The following CAV2 variants were observed in gnomAD, a reference collection of about 807,000 sequenced individuals.
CAV2 encodes caveolin 2, also known as caveolin-2.
Under a neutral mutation model 15.5 loss-of-function variants are expected in CAV2, and 7 were observed. The observed-to-expected ratio is 0.45, with a 90% CI of 0.26 to 0.85. The LOEUF (loss-of-function observed/expected upper bound fraction) is 0.85. Among genes scored for constraint, CAV2 ranks in the 40% least tolerant of loss-of-function variants. CAV2 has a pLI of 0.18. For synonymous variants in CAV2, 76 were observed against 83.1 expected, an observed-to-expected ratio of 0.91 and a Z score of 0.46; for missense variants, 229 against 208.8, an observed-to-expected ratio of 1.10 and a Z score of -0.60.
chr7:116,500,188 C>T, intron 1 of CAV2, 72 bp from the exon 2 acceptor site: 1 of 1,564,946 alleles, frequency 6.4e-7, no homozygotes, highest in Non-Finnish European at 8.6e-7. Context: ...GCTTCCCCCG[C>T]CCAAAGCGCT....
At chr7:116,502,896 A>G (rs1793136979) in intron 2 of CAV2, among the ~76,000 whole-genome samples, 1 of 152,210 alleles carries the variant, frequency 6.6e-6, no homozygotes, top group South Asian at 2.1e-4. Flanking sequence ...GTTATTGGTC[A>G]TAAGTGGATC....
intron 1 of CAV2, 35 bp downstream of exon 1, chr7:116,499,966 T>C: frequency 1.2e-6 from 2 of 1,601,538 alleles, no homozygotes; most frequent in East Asian, 2.3e-5. Context: ...AAGTCCCCGC[T>C]GAGGCCGGGA....
intron 2 of CAV2, among the ~76,000 whole-genome samples, chr7:116,502,674 A>G (rs1328703041): frequency 6.6e-6 from 1 of 152,226 alleles, no homozygotes; most frequent in Non-Finnish European, 1.5e-5. Flanking sequence ...GACCAAAGCT[A>G]GGAAAATATG....
chr7:116,503,965 G>A (rs1793169761), intron 2 of CAV2, among the ~76,000 whole-genome samples: 2 of 140,800 alleles, frequency 1.4e-5, no homozygotes, highest in African/African-American at 5.3e-5. Flanking sequence ...AAGAAAAAGA[G>A]AAAGAAGGAA....
In CAV2 at chr7:116,507,867, C is replaced by T. The variant is rs1481385838; in HGVS notation, c.*1746C>T. On this transcript the variant is annotated 3_prime_UTR_variant, in exon 3 of 3. Coordinates refer to ENST00000222693, the MANE Select transcript of CAV2 (RefSeq NM_001233.5). ...TTCCTTTGAATACGCTAATAAGTGA[C>T]AAATAAGATTAATAAGATTTTTCAA... 2 of 152,000 alleles carry T rather than the reference C, an allele frequency of 1.3e-5. No homozygotes were observed. The highest frequency in any genetic ancestry group is 2.9e-5 in the Non-Finnish European group (2 of 67,982). The allele number at this position is 152,000 out of a possible 1,614,324, so 9.4% of individuals were successfully genotyped here.
chr7:116,500,006 C>A, intron 1 of CAV2, 75 bp downstream of exon 1: 1 of 1,548,160 alleles, frequency 6.5e-7, no homozygotes, highest in South Asian at 1.2e-5. Flanking sequence ...CCCGCCCTAA[C>A]CCGTCCCACC....
chr7:116,500,286 G>C lies in CAV2; in HGVS notation c.177G>C (p.Glu59Asp). 1 of 1,614,186 alleles carries C rather than the reference G, an allele frequency of 6.2e-7. No homozygotes were observed. Among genetic ancestry groups the C allele is most frequent in the Non-Finnish European group, 8.5e-7 (1 of 1,180,006 alleles). ...TGGGCTTCGAGGATGTGATCGCAGA[G>C]CCGGTGACTACGCACTCCTTTGACA... ...LKLGFEDVIA[E>D]PVTTHSFDKV... is the part of the protein sequence containing the mutation. The change falls in exon 2 of 3, where the codon GAG becomes GAC. Residue 59 changes from glutamate (E) to aspartate (D), a missense_variant. Glu to Asp is a conservative substitution (Grantham distance 45). Transcript: ENST00000222693.
At position 116,506,702 on chromosome 7, in the gene CAV2, C is replaced by A. The variant is rs747839324; in HGVS notation, c.*581C>A. ...ATGTATTCCTTTAAAATATTGTTTT[C>A]CTACAGGCCTATTTAACAAGATGTT... On this transcript the variant is annotated 3_prime_UTR_variant, in exon 3 of 3. Coordinates refer to ENST00000222693, the MANE Select transcript of CAV2 (RefSeq NM_001233.5). The A allele has an allele frequency of 6.6e-6, 1 of 152,112 alleles. No homozygotes were observed. Among genetic ancestry groups the A allele is most frequent in the African/African-American group, 2.4e-5 (1 of 41,438 alleles). The allele number at this position is 152,112 out of a possible 1,614,324, so 9.4% of individuals were successfully genotyped here.
chr7:116,500,720 G>A (rs956228834), intron 2 of CAV2: 18 of 393,326 alleles, frequency 4.6e-5, no homozygotes, highest in African/African-American at 3.3e-4. Context: ...GTGTGGAGGC[G>A]GGTACCTGGA....
chr7:116,499,987 C>T (rs1584752850), intron 1 of CAV2, 56 bp downstream of exon 1: 10 of 1,580,332 alleles, frequency 6.3e-6, no homozygotes, highest in Middle Eastern at 1.7e-4. Flanking sequence ...GGTGCGGGCG[C>T]CCCTCAGCCC....
rs201746184 is a variant in CAV2, at chr7:116,500,260, C to G, written c.151C>G (p.Leu51Val). The G allele has an allele frequency of 6.2e-7, 1 of 1,613,216 alleles. No individual in the cohort carries two copies. Among genetic ancestry groups the G allele is most frequent in the Non-Finnish European group, 8.5e-7 (1 of 1,179,478 alleles). ...GGGTCCCTGCGTCCTGTCTCCTCAGCTGGGCTTCGAGGATGTGATCGCAGA... is the reference window on the plus strand; with the variant it reads ...GGGTCCCTGCGTCCTGTCTCCTCAGGTGGGCTTCGAGGATGTGATCGCAGA... ...DPHRLNSHLK[L>V]GFEDVIAEPV... The change falls in exon 2 of 3, where the codon CTG becomes GTG. Residue 51 changes from leucine to valine, a missense_variant and splice_region_variant. Transcript: ENST00000222693.
In CAV2 at chr7:116,500,442, CATCTGG is replaced by C; in HGVS notation, c.334_338+1del. On this transcript the variant is annotated splice_donor_variant and coding_sequence_variant, in exon 2 of 3. Coordinates refer to ENST00000222693, the MANE Select transcript of CAV2 (RefSeq NM_001233.5). LOFTEE classifies it high-confidence loss of function. ...TCTTTGCCACCCTCAGCTGTCTGCA[CATCTGG>C]TGAGACGGGGCACACCGGGTGGACC... 1 of 1,611,904 alleles carries C rather than the reference CATCTGG, an allele frequency of 6.2e-7. No homozygotes were observed. Among genetic ancestry groups the C allele is most frequent in the Non-Finnish European group, 8.5e-7 (1 of 1,179,120 alleles).
chr7:116,502,706 T>C (rs1324845742), intron 2 of CAV2, among the ~76,000 whole-genome samples: 2 of 152,206 alleles, frequency 1.3e-5, no homozygotes, highest in African/African-American at 2.4e-5. Context: ...CTTTGAACCA[T>C]GTCACAATAT....
At chr7:116,502,327 T>C (rs1050599494) in intron 2 of CAV2, among the ~76,000 whole-genome samples, 6 of 152,214 alleles carry the variant, frequency 3.9e-5, no homozygotes, top group Non-Finnish European at 8.8e-5. Flanking sequence ...TTTAGCCACA[T>C]AAAATGTATT....
rs1347070068 is a variant in CAV2 at position 116,508,401 on chromosome 7, C to T, written c.*2280C>T. 1 of 152,172 alleles carries T rather than the reference C, an allele frequency of 6.6e-6. No homozygotes were observed. Among genetic ancestry groups the T allele is most frequent in the East Asian group, 1.9e-4 (1 of 5,176 alleles). 9.4% of individuals were successfully genotyped at this position (152,172 alleles called of 1,614,324 possible). ...AATTTTTATTGAGATTTTCCATTAACTATTTTTTTCAAAGACTCAAATTTT... is the reference window on the plus strand; with the variant it reads ...AATTTTTATTGAGATTTTCCATTAATTATTTTTTTCAAAGACTCAAATTTT... On this transcript the variant is annotated 3_prime_UTR_variant, in exon 3 of 3. Transcript: ENST00000222693.
rs773769572 is a variant in CAV2 at position 116,505,993 on chromosome 7, A to G, written c.361A>G (p.Thr121Ala). The change falls in exon 3 of 3, where the codon ACC becomes GCC. Residue 121 changes from threonine (T) to alanine (A), a missense_variant. Thr to Ala is a moderately conservative substitution (Grantham distance 58). Transcript: ENST00000222693. Reference protein sequence around the residue: ...HIWILMPFVKTCLMVLPSVQT... With the variant: ...HIWILMPFVKACLMVLPSVQT... ...CAGGATTTTAATGCCTTTTGTAAAGACCTGCCTAATGGTTCTGCCTTCAGT... is the reference window on the plus strand; with the variant it reads ...CAGGATTTTAATGCCTTTTGTAAAGGCCTGCCTAATGGTTCTGCCTTCAGT... 14 of 1,613,082 alleles carry G rather than the reference A, an allele frequency of 8.7e-6. No individual in the cohort carries two copies. The highest frequency in any genetic ancestry group is 1.1e-5 in the Non-Finnish European group (13 of 1,179,426).
intron 2 of CAV2, among the ~76,000 whole-genome samples, chr7:116,505,513 T>C (rs1793212862): frequency 6.6e-6 from 1 of 152,166 alleles, no homozygotes; most frequent in Non-Finnish European, 1.5e-5. Flanking sequence ...GGAAGCACAG[T>C]GCCAGCATCT....
intron 2 of CAV2, among the ~76,000 whole-genome samples, chr7:116,501,492 T>C (rs1163562379): frequency 6.6e-6 from 1 of 152,268 alleles, no homozygotes; most frequent in African/African-American, 2.4e-5. Context: ...TATTTCTCTA[T>C]ACCACCTGAA....
At position 116,500,443 on chromosome 7, in the gene CAV2, A is replaced by G; in HGVS notation, c.334A>G (p.Ile112Val). 6.2e-7 allele frequency: 1 copy of G among 1,611,672 alleles called. No homozygotes were observed. The highest frequency in any genetic ancestry group is 8.5e-7 in the Non-Finnish European group (1 of 1,179,068). ...ILFATLSCLH[I>V]WILMPFVKTC... ...CTTTGCCACCCTCAGCTGTCTGCAC[A>G]TCTGGTGAGACGGGGCACACCGGGT... is the stretch of plus-strand genomic sequence containing the variant. Residue 112 changes from isoleucine (I) to valine (V), a missense_variant, in exon 2 of 3, where the codon ATC (isoleucine) becomes GTC (valine). Physicochemically the swap from Ile to Val is conservative, Grantham distance 29 (BLOSUM62 3). Transcript: ENST00000222693.
Sources: allele counts gnomAD v4.1 joint callset (sites outside exome capture counted in the v4.1 genomes callset), GRCh38; gene constraint gnomAD v4.1.1; transcripts MANE v1.5; gene names NCBI Gene and HGNC (gene_info 2026-07-23, HGNC 2026-07-21).